The following RBM5 variants were observed in gnomAD, a reference collection of about 807,000 sequenced individuals.
RBM5 encodes the protein RNA-binding protein 5.
A neutral mutation model predicts 124.6 loss-of-function variants in RBM5; 15 were observed. The observed-to-expected ratio is 0.12, with a 90% CI of 0.08 to 0.19. The LOEUF (loss-of-function observed/expected upper bound fraction) is 0.19. RBM5 is among the 10% of genes least tolerant of loss of function. The probability of loss-of-function intolerance (pLI) is 1.00; values close to 1 mark genes in which losing one functional copy is unlikely to be tolerated. For missense variants in RBM5, 580 were observed against 1,026.5 expected, an observed-to-expected ratio of 0.57 and a Z score of 5.94; for synonymous variants, 337 against 361.2, an observed-to-expected ratio of 0.93 and a Z score of 0.76.
rs554401656 is a variant in RBM5, at chr3:50,105,302, G to A, written c.694+160G>A. Reference sequence around the variant, plus strand: ...ACACACCTGTAATCCCAGCTACTCCGTCTCAAAAAAAAAAAAAAATTGACC... The same window carrying A: ...ACACACCTGTAATCCCAGCTACTCCATCTCAAAAAAAAAAAAAAATTGACC... On this transcript the variant is annotated intron_variant, in intron 9 of 24. Transcript: ENST00000347869. 3.3e-5 allele frequency among the ~76,000 whole-genome samples: 5 copies of A among 149,294 alleles called. No homozygotes were observed. The East Asian group carries it at 7.9e-4, about 23-fold the overall frequency.
At chr3:50,095,554 A>G (rs1318695182) in intron 4 of RBM5, among the ~76,000 whole-genome samples, 1 of 151,156 alleles carries the variant, frequency 6.6e-6, no homozygotes, top group Non-Finnish European at 1.5e-5. Context: ...TTCCAGCCAC[A>G]CCCTACTTTC....
intron 1 of RBM5, chr3:50,089,912 C>G (rs1440787869): frequency 6.2e-6 from 1 of 160,166 alleles, no homozygotes; most frequent in African/African-American, 2.4e-5. Flanking sequence ...TCAGTCAGCT[C>G]AGTATCCCAG....
Position 50,103,037 on chromosome 3 carries a change from A to G in RBM5, c.484-46A>G, listed in dbSNP as rs759467079. 1.1e-5 allele frequency: 16 copies of G among 1,419,646 alleles called. No homozygotes were observed. In the Admixed American group the frequency reaches 2.5e-4, roughly 22 times the overall value. The allele number at this position is 1,419,646 out of a possible 1,614,324, so 87.9% of individuals were successfully genotyped here. Reference sequence around the variant, plus strand: ...TGTGCTCTGCCCTGGGAAAATGGACACATGTTCCTCACAATGGGAATAACT... The same window carrying G: ...TGTGCTCTGCCCTGGGAAAATGGACGCATGTTCCTCACAATGGGAATAACT... On this transcript the variant is annotated intron_variant, in intron 6 of 24. Transcript: ENST00000347869.
chr3:50,104,399 A>G, intron 8 of RBM5, 91 bp downstream of exon 8: 1 of 1,260,880 alleles, frequency 7.9e-7, no homozygotes, highest in Non-Finnish European at 1.2e-6. Flanking sequence ...CCACTTTGCA[A>G]GGCCAAGGTG....
At chr3:50,109,752 G>C (rs562455489) in intron 15 of RBM5, 64 bp downstream of exon 15, 1 of 1,317,804 alleles carries the variant, frequency 7.6e-7, no homozygotes, top group African/African-American at 1.5e-5. Flanking sequence ...TGCTATACAA[G>C]TATTACCCTT....
chr3:50,105,768 G>C, intron 10 of RBM5, 59 bp downstream of exon 10: 1 of 1,565,442 alleles, frequency 6.4e-7, no homozygotes, highest in Non-Finnish European at 8.7e-7. Flanking sequence ...GGCAAATGTG[G>C]TTCATCCAGT....
chr3:50,105,763 A>C, intron 10 of RBM5, 54 bp downstream of exon 10: 3 of 1,578,672 alleles, frequency 1.9e-6, no homozygotes, highest in Non-Finnish European at 1.7e-6. Context: ...TAAGAGGCAA[A>C]TGTGGTTCAT....
Position 50,105,155 on chromosome 3 carries a change from ACGAT to A in RBM5, c.694+15_694+18del. 1 of 1,567,180 alleles carries A rather than the reference ACGAT, an allele frequency of 6.4e-7. No individual in the cohort carries two copies. Among genetic ancestry groups the A allele is most frequent in the East Asian group, 2.3e-5 (1 of 44,342 alleles). ...TACTACTGTGATAGTAAGTTCATAC[ACGAT>A]CTTTTGGTCTTCATGTTAAAAATTG... On this transcript the variant is annotated intron_variant, in intron 9 of 24. Coordinates refer to ENST00000347869, the MANE Select transcript of RBM5 (RefSeq NM_005778.4).
chr3:50,113,916 T>C, intron 18 of RBM5, 34 bp from the exon 19 acceptor site: 1 of 1,605,248 alleles, frequency 6.2e-7, no homozygotes, highest in Non-Finnish European at 8.5e-7. Context: ...GGGGATTAAA[T>C]ATTTTTTTGT....
intron 4 of RBM5, 117 bp from the exon 5 acceptor site, chr3:50,099,865 C>A: frequency 1.2e-6 from 1 of 816,176 alleles, no homozygotes; most frequent in East Asian, 2.9e-5. Context: ...GAGACAGAGA[C>A]TCCCATCTTA....
At chr3:50,105,734 T>G in intron 10 of RBM5, 25 bp downstream of exon 10, 1 of 1,608,936 alleles carries the variant, frequency 6.2e-7, no homozygotes, top group Non-Finnish European at 8.5e-7. Context: ...GATTCTTTCC[T>G]TTTTAAAAGA....
Position 50,115,890 on chromosome 3 carries a change from C to T in RBM5, c.2020-16C>T, listed in dbSNP as rs760280085. On this transcript the variant is annotated splice_polypyrimidine_tract_variant and intron_variant, in intron 21 of 24. Coordinates refer to ENST00000347869, the MANE Select transcript of RBM5 (RefSeq NM_005778.4). ...TGGTCTGAGTCCTTACTGTGTCTTT[C>T]AAATCTTTTGTGTAGCAAAACATGG... 3.7e-6 allele frequency: 6 copies of T among 1,604,600 alleles called. No individual in the cohort carries two copies. Among genetic ancestry groups the T allele is most frequent in the Non-Finnish European group, 5.1e-6 (6 of 1,171,616 alleles).
chr3:50,112,358 G>T lies in RBM5; in HGVS notation c.1456-1025G>T, dbSNP rs144547286. Among the ~76,000 whole-genome samples, 40 of 145,926 alleles carry T rather than the reference G, an allele frequency of 2.7e-4. 1 individual carries two copies. The East Asian group carries it at 7.7e-3, about 28-fold the overall frequency. On this transcript the variant is annotated intron_variant, in intron 17 of 24. Transcript: ENST00000347869. ...GTGAACCCGGGAGGTGGAGCTGGCAGTAAGCGAATGTCGCGCCACTGCACT... is the reference window on the plus strand; with the variant it reads ...GTGAACCCGGGAGGTGGAGCTGGCATTAAGCGAATGTCGCGCCACTGCACT...
intron 17 of RBM5, 71 bp from the exon 18 acceptor site, chr3:50,113,312 T>G: frequency 6.7e-7 from 1 of 1,488,130 alleles, no homozygotes; most frequent in Non-Finnish European, 9.2e-7. Flanking sequence ...TATCTTTTTT[T>G]TGACAAAATA....
Position 50,105,544 on chromosome 3 carries a change from C to T in RBM5, c.695-5C>T. The T allele has an allele frequency of 6.2e-7, 1 of 1,612,564 alleles. No individual in the cohort carries two copies. Among genetic ancestry groups the T allele is most frequent in the Non-Finnish European group, 8.5e-7 (1 of 1,179,144 alleles). ...GTGTATGTCATTTGTCTCATTTACC[C>T]CTAGCGATCATTCTTCGGAACATAG... is the stretch of plus-strand genomic sequence containing the variant. On this transcript the variant is annotated splice_region_variant and splice_polypyrimidine_tract_variant and intron_variant, in intron 9 of 24. Coordinates refer to ENST00000347869, the MANE Select transcript of RBM5 (RefSeq NM_005778.4).
At chr3:50,116,016 T>C in intron 22 of RBM5, 36 bp downstream of exon 22, 2 of 1,557,354 alleles carry the variant, frequency 1.3e-6, no homozygotes, top group Non-Finnish European at 1.8e-6. Flanking sequence ...AAGAGGATAT[T>C]GGGATAATTG....
chr3:50,116,697 A>G, intron 22 of RBM5: 1 of 294,996 alleles, frequency 3.4e-6, no homozygotes, highest in Non-Finnish European at 6.6e-6. Flanking sequence ...TGTTGGAGGT[A>G]TGCCTTTCCA....
chr3:50,105,306 CAAA>C (rs1307088935), intron 9 of RBM5, among the ~76,000 whole-genome samples, 164 bp downstream of exon 9: 1 of 135,046 alleles, frequency 7.4e-6, no homozygotes, highest in African/African-American at 2.7e-5. Context: ...TACTCCGTCT[CAAA>C]AAAAAAAAAA....
intron 10 of RBM5, 123 bp downstream of exon 10, chr3:50,105,832 G>C (rs2091017006): frequency 9.8e-7 from 1 of 1,020,568 alleles, no homozygotes; most frequent in African/African-American, 1.6e-5. Flanking sequence ...CCTAATGACA[G>C]TTTTTGCACT....
Sources: gnomAD v4.1 joint callset for allele counts (sites outside exome capture counted in the v4.1 genomes callset) on GRCh38, gnomAD v4.1.1 for gene constraint, MANE v1.5 for transcripts, NCBI Gene and HGNC (gene_info 2026-07-23, HGNC 2026-07-21) for gene names.